The following MEI4 variants were observed in gnomAD, a reference collection of about 807,000 sequenced individuals.
The protein encoded by MEI4 is meiotic double-stranded break formation protein 4.
In MEI4, 27 loss-of-function variants were observed where a neutral mutation model predicts 31.4. The observed-to-expected ratio is 0.86, with a 90% confidence interval of 0.63 to 1.19. The LOEUF (loss-of-function observed/expected upper bound fraction) is 1.19. Ranked by LOEUF, MEI4 falls within the 50% of genes most tolerant of loss-of-function variation. The pLI, the probability that MEI4 is intolerant of heterozygous loss-of-function variation, is 0.00. For missense variants in MEI4, 329 were observed against 398.9 expected (o/e 0.82, Z 1.49); for synonymous variants, 122 against 145.4 (o/e 0.84, Z 1.16).
At chr6:77,734,599 A>G (rs998649661) in intron 2 of MEI4, among the ~76,000 whole-genome samples, 2 of 151,998 alleles carry the variant, frequency 1.3e-5, no homozygotes, top group African/African-American at 2.4e-5. Flanking sequence ...CCAATTTGCC[A>G]GTCTGTGTCT....
In MEI4 at chr6:77,841,314, C is replaced by CATATATAT. The variant is rs1315994932; in HGVS notation, c.900+12265_900+12272dup. 7.5e-3 allele frequency among the ~76,000 whole-genome samples: 388 copies of CATATATAT among 51,800 alleles called. 11 individuals are homozygous for CATATATAT. The highest frequency in any genetic ancestry group is 0.019 in the Middle Eastern group (2 of 104). 34.0% of individuals were successfully genotyped at this position (51,800 alleles called of 152,430 possible). A position where few individuals can be genotyped will look rare whatever the true frequency, so the allele number is the denominator to read the frequency against. ...TACTGAGAAAGGTTACAAATGTGTG[C>CATATATAT]ATATATATATATATATATATTTTTT... On this transcript the variant is annotated intron_variant, in intron 4 of 4. Coordinates refer to ENST00000684080, the MANE Select transcript of MEI4 (RefSeq NM_001322247.2).
chr6:77,905,304 G>A (rs545102366), intron 4 of MEI4, among the ~76,000 whole-genome samples: 29 of 151,772 alleles, frequency 1.9e-4, no homozygotes, highest in Non-Finnish European at 4.0e-4. Flanking sequence ...TTCAGTATGT[G>A]ATATGCTTCT....
At chr6:77,831,033 A>G (rs1582192811) in intron 4 of MEI4, among the ~76,000 whole-genome samples, 1 of 152,136 alleles carries the variant, frequency 6.6e-6, no homozygotes, top group East Asian at 1.9e-4. Flanking sequence ...CAGAATATAT[A>G]AAGAACTCAA....
chr6:77,730,487 A>T (rs946287222), intron 2 of MEI4, among the ~76,000 whole-genome samples: 4 of 152,122 alleles, frequency 2.6e-5, no homozygotes, highest in Non-Finnish European at 5.9e-5. Flanking sequence ...GAATCCAAAG[A>T]GAGATGGTTT....
At chr6:77,776,384 A>G (rs1157658624) in intron 3 of MEI4, among the ~76,000 whole-genome samples, 1 of 152,068 alleles carries the variant, frequency 6.6e-6, no homozygotes, top group Non-Finnish European at 1.5e-5. Context: ...CGCTACCCAC[A>G]GAGCTTCTTG....
At chr6:77,741,147 T>C (rs965416725) in intron 2 of MEI4, among the ~76,000 whole-genome samples, 2 of 152,290 alleles carry the variant, frequency 1.3e-5, no homozygotes, top group Non-Finnish European at 1.5e-5. Flanking sequence ...TGTGCAGTTA[T>C]GTTAATTAGC....
intron 3 of MEI4, among the ~76,000 whole-genome samples, chr6:77,763,553 A>G (rs1768093027): frequency 6.6e-6 from 1 of 152,192 alleles, no homozygotes. Flanking sequence ...CTGTTCAGCA[A>G]TGGTTGGCAC....
At chr6:77,809,195 G>A (rs902560336) in intron 3 of MEI4, among the ~76,000 whole-genome samples, 7 of 152,150 alleles carry the variant, frequency 4.6e-5, no homozygotes, top group Admixed American at 1.3e-4. Context: ...CTAAGTGCTC[G>A]TGGAAAAATA....
chr6:77,660,143 T>C (rs1768477021), intron 1 of MEI4, among the ~76,000 whole-genome samples: 1 of 151,992 alleles, frequency 6.6e-6, no homozygotes, highest in African/African-American at 2.4e-5. Flanking sequence ...CGGGGACAGC[T>C]GTGTAGGCAC....
intron 2 of MEI4, among the ~76,000 whole-genome samples, chr6:77,717,758 A>G (rs4125604): frequency 0.084 from 10,307 of 123,248 alleles, 835 homozygotes; most frequent in East Asian, 0.27. Flanking sequence ...CACAGCACAC[A>G]TTTCAGAGAG....
intron 2 of MEI4, among the ~76,000 whole-genome samples, chr6:77,737,260 T>C (rs188696767): frequency 6.6e-6 from 1 of 152,174 alleles, no homozygotes; most frequent in African/African-American, 2.4e-5. Flanking sequence ...TTAGACAGAG[T>C]AATTAGGCAT....
At chr6:77,854,245 C>T (rs1770696606) in intron 4 of MEI4, among the ~76,000 whole-genome samples, 1 of 151,886 alleles carries the variant, frequency 6.6e-6, no homozygotes, top group Non-Finnish European at 1.5e-5. Context: ...TTTATCCCAA[C>T]AATTTACCCC....
rs929868542 is a variant in MEI4, at chr6:77,673,562, G to T, written c.-14-17096G>T. Among the ~76,000 whole-genome samples, 3 of 152,228 alleles carry T rather than the reference G, an allele frequency of 2.0e-5. No individual in the cohort carries two copies. In the South Asian group the frequency reaches 6.2e-4, roughly 32 times the overall value. ...ATATCGACTTATGCACACCCTCTTG[G>T]GGGTGTTGGTGGAGGAGTGAAGAAG... On this transcript the variant is annotated intron_variant, in intron 1 of 4. Coordinates refer to ENST00000684080, the MANE Select transcript of MEI4 (RefSeq NM_001322247.2).
intron 2 of MEI4, among the ~76,000 whole-genome samples, chr6:77,698,937 T>A (rs1229469899): frequency 1.3e-5 from 2 of 152,168 alleles, no homozygotes; most frequent in Non-Finnish European, 2.9e-5. Flanking sequence ...TTTCACATAG[T>A]CCCATATTTC....
intron 4 of MEI4, among the ~76,000 whole-genome samples, chr6:77,910,018 T>G (rs898892157): frequency 2.0e-5 from 3 of 152,118 alleles, no homozygotes; most frequent in Admixed American, 1.3e-4. Flanking sequence ...ACCTTCATGC[T>G]AAAAACTCTG....
chr6:77,771,641 A>G (rs560675914), intron 3 of MEI4, among the ~76,000 whole-genome samples: 4 of 152,278 alleles, frequency 2.6e-5, no homozygotes, highest in African/African-American at 9.6e-5. Context: ...TTGCAGCAAC[A>G]TGGATGGAAC....
chr6:77,665,438 C>T (rs1768610987), intron 1 of MEI4, among the ~76,000 whole-genome samples: 1 of 150,022 alleles, frequency 6.7e-6, no homozygotes, highest in Non-Finnish European at 1.5e-5. Flanking sequence ...GGACTTGCCG[C>T]TAAGGGTGAA....
At chr6:77,835,038 A>G (rs1024075126) in intron 4 of MEI4, among the ~76,000 whole-genome samples, 2 of 151,762 alleles carry the variant, frequency 1.3e-5, no homozygotes, top group Admixed American at 1.3e-4. Flanking sequence ...CTATTACTAT[A>G]ATTATCTTTT....
intron 1 of MEI4, among the ~76,000 whole-genome samples, chr6:77,680,185 A>G (rs1768930056): frequency 6.8e-6 from 1 of 147,666 alleles, no homozygotes; most frequent in African/African-American, 2.5e-5. Flanking sequence ...AGGCTGAGGC[A>G]GCAGAATGGC....
Sources: gnomAD v4.1 joint callset for allele counts (sites outside exome capture counted in the v4.1 genomes callset) on GRCh38, gnomAD v4.1.1 for gene constraint, MANE v1.5 for transcripts, NCBI Gene and HGNC (gene_info 2026-07-23, HGNC 2026-07-21) for gene names.